Variants in SLC44A5 observed in about 807,000 individuals in gnomAD.
SLC44A5 encodes choline transporter-like protein 5.
SLC44A5 carries 57 observed loss-of-function variants against 101.8 expected under a neutral mutation model. The observed-to-expected ratio is 0.56, with a 90% CI of 0.45 to 0.70. The LOEUF is 0.70. Among genes scored for constraint, SLC44A5 ranks in the 30% least tolerant of loss-of-function variants. SLC44A5 has a pLI of 0.00. For synonymous variants in SLC44A5, 281 were observed against 290.9 expected, an observed-to-expected ratio of 0.97 and a Z score of 0.35; for missense variants, 737 against 853.1, an observed-to-expected ratio of 0.86 and a Z score of 1.70.
chr1:75,421,500 G>A (rs577404459), intron 2 of SLC44A5, among the ~76,000 whole-genome samples: 31 of 152,166 alleles, frequency 2.0e-4, no homozygotes, highest in Non-Finnish European at 3.5e-4. Flanking sequence ...CAACATGAAG[G>A]GATTGTCAAT....
chr1:75,273,928 C>T (rs914487874), intron 6 of SLC44A5, among the ~76,000 whole-genome samples: 8 of 152,088 alleles, frequency 5.3e-5, no homozygotes, highest in African/African-American at 1.4e-4. Context: ...CTCTATCTTT[C>T]GGAATAGTTT....
At chr1:75,206,744 G>A in intron 23 of SLC44A5, 1 of 1,314,850 alleles carries the variant, frequency 7.6e-7, no homozygotes, top group South Asian at 1.2e-5. Flanking sequence ...GCCAAAGCAG[G>A]CAAAAGCAGA....
intron 18 of SLC44A5, among the ~76,000 whole-genome samples, chr1:75,217,132 A>T (rs1187900009): frequency 6.6e-6 from 1 of 151,970 alleles, no homozygotes; most frequent in Non-Finnish European, 1.5e-5. Flanking sequence ...TTGTATGTTA[A>T]TGTAAGATAA....
chr1:75,479,067 C>A (rs1667633897), intron 2 of SLC44A5, among the ~76,000 whole-genome samples: 1 of 152,188 alleles, frequency 6.6e-6, no homozygotes. Context: ...GACCACAGTG[C>A]AATCAAACTA....
chr1:75,290,709 G>A (rs1237567478), intron 5 of SLC44A5, among the ~76,000 whole-genome samples: 1 of 152,156 alleles, frequency 6.6e-6, no homozygotes, highest in African/African-American at 2.4e-5. Context: ...AGATTCCCAG[G>A]GGACAGAGCA....
chr1:75,327,821 A>T (rs1656715236), intron 4 of SLC44A5, among the ~76,000 whole-genome samples: 1 of 152,238 alleles, frequency 6.6e-6, no homozygotes, highest in Admixed American at 6.5e-5. Flanking sequence ...TCATTACATT[A>T]AGAAAGGCAT....
intron 3 of SLC44A5, among the ~76,000 whole-genome samples, chr1:75,368,260 T>C (rs367824564): frequency 6.6e-6 from 1 of 152,226 alleles, no homozygotes. Context: ...AATTGAGTAA[T>C]TACAGTTGTT....
At chr1:75,679,466 T>G in the SLC44A5 span, among the ~76,000 whole-genome samples, 46 of 152,136 alleles carry the variant, frequency 3.0e-4, no homozygotes, top group African/African-American at 8.0e-4. Flanking sequence ...TTCAACATTC[T>G]TAAAGAAAAG....
chr1:75,595,969 A>G (rs1570702689), intron 1 of SLC44A5, among the ~76,000 whole-genome samples: 1 of 152,212 alleles, frequency 6.6e-6, no homozygotes, highest in African/African-American at 2.4e-5. Context: ...CTAATATTAC[A>G]TATCTGACCT....
chr1:75,704,433 A>C, the SLC44A5 span, among the ~76,000 whole-genome samples: 1 of 152,168 alleles, frequency 6.6e-6, no homozygotes, highest in Non-Finnish European at 1.5e-5. Context: ...AGTACAGCCT[A>C]TGCAAAATAC....
chr1:75,290,909 C>A (rs1653486619), intron 5 of SLC44A5, among the ~76,000 whole-genome samples: 1 of 152,052 alleles, frequency 6.6e-6, no homozygotes, highest in Non-Finnish European at 1.5e-5. Context: ...CATGAAACAG[C>A]AATAGCAAAG....
At chr1:75,524,738 T>A (rs1440082718) in intron 2 of SLC44A5, among the ~76,000 whole-genome samples, 3 of 152,128 alleles carry the variant, frequency 2.0e-5, no homozygotes, top group Non-Finnish European at 4.4e-5. Flanking sequence ...TTTAACAACA[T>A]TGTAAAGTGT....
the SLC44A5 span, among the ~76,000 whole-genome samples, chr1:75,672,516 A>G: frequency 6.6e-6 from 1 of 152,146 alleles, no homozygotes; most frequent in African/African-American, 2.4e-5. Flanking sequence ...TTTGAAAGAC[A>G]GTCTAGGCCA....
chr1:75,503,946 T>G (rs911426900), intron 2 of SLC44A5, among the ~76,000 whole-genome samples: 1 of 152,256 alleles, frequency 6.6e-6, no homozygotes, highest in Admixed American at 6.5e-5. Context: ...AAAGAGAGAT[T>G]TTTTTTGTCT....
At chr1:75,644,163 CA>C in the SLC44A5 span, among the ~76,000 whole-genome samples, 2 of 152,056 alleles carry the variant, frequency 1.3e-5, no homozygotes, top group Admixed American at 1.3e-4. Flanking sequence ...ATTTGTCTAT[CA>C]AGGGAACTGG....
intron 5 of SLC44A5, among the ~76,000 whole-genome samples, chr1:75,277,448 G>A (rs937897973): frequency 6.6e-6 from 1 of 152,122 alleles, no homozygotes; most frequent in African/African-American, 2.4e-5. Context: ...AGATAGACAA[G>A]GTATGAACTC....
the SLC44A5 span, among the ~76,000 whole-genome samples, chr1:75,635,208 G>C: frequency 0.015 from 2,338 of 151,500 alleles, 70 homozygotes; most frequent in African/African-American, 0.052. Flanking sequence ...TACACTGTTG[G>C]TGGGACTGTA....
At chr1:75,284,642 C>A (rs1464682598) in intron 5 of SLC44A5, among the ~76,000 whole-genome samples, 3 of 151,890 alleles carry the variant, frequency 2.0e-5, no homozygotes, top group Non-Finnish European at 2.9e-5. Context: ...GTTGGCTGTG[C>A]GTTTTTCATA....
At chr1:75,354,462 T>A (rs1399532426) in intron 3 of SLC44A5, among the ~76,000 whole-genome samples, 1 of 152,188 alleles carries the variant, frequency 6.6e-6, no homozygotes, top group African/African-American at 2.4e-5. Context: ...ATGTTTCTCA[T>A]TCACTTGATA....
Sources: allele counts gnomAD v4.1 joint callset (sites outside exome capture counted in the v4.1 genomes callset), GRCh38; gene constraint gnomAD v4.1.1; transcripts MANE v1.5; gene names NCBI Gene and HGNC (gene_info 2026-07-23, HGNC 2026-07-21).